The following DCC variants were observed in gnomAD, a reference collection of about 807,000 sequenced individuals.
DCC encodes the protein netrin receptor DCC.
In DCC, 58 loss-of-function variants were observed where a neutral mutation model predicts 172.5. The observed-to-expected ratio is 0.34, with a 90% CI of 0.27 to 0.42. DCC has a LOEUF of 0.42. Ranked by LOEUF, DCC falls within the 10% of genes least tolerant of loss-of-function variation. The pLI is 1.00. For missense variants in DCC, 1,740 were observed against 1,791.0 expected, an observed-to-expected ratio of 0.97 and a Z score of 0.51; for synonymous variants, 709 against 644.5, an observed-to-expected ratio of 1.10 and a Z score of -1.52.
intron 8 of DCC, among the ~76,000 whole-genome samples, chr18:53,160,936 C>A (rs879772359): frequency 6.6e-6 from 1 of 152,174 alleles, no homozygotes; most frequent in African/African-American, 2.4e-5. Flanking sequence ...GAAACTTTCA[C>A]TTGTGCACAA....
At chr18:53,152,844 C>T (rs1598853239) in intron 7 of DCC, among the ~76,000 whole-genome samples, 1 of 145,226 alleles carries the variant, frequency 6.9e-6, no homozygotes, top group East Asian at 2.2e-4. Context: ...AGAAGCCATT[C>T]CTTTGTTAAA....
chr18:53,037,595 A>T (rs1174095394), intron 5 of DCC, among the ~76,000 whole-genome samples: 1 of 151,962 alleles, frequency 6.6e-6, no homozygotes, highest in Non-Finnish European at 1.5e-5. Flanking sequence ...AAGTCCTAAA[A>T]TTTACCAGCT....
intron 9 of DCC, among the ~76,000 whole-genome samples, chr18:53,179,467 A>G (rs1013364904): frequency 3.4e-4 from 52 of 152,330 alleles, no homozygotes; most frequent in African/African-American, 1.2e-3. Context: ...TTGAGTTTGT[A>G]AAGAGTGTAA....
At chr18:52,962,757 A>G (rs1458204877) in intron 5 of DCC, among the ~76,000 whole-genome samples, 2 of 152,032 alleles carry the variant, frequency 1.3e-5, no homozygotes, top group Non-Finnish European at 2.9e-5. Context: ...CATATACACC[A>G]TGGAATACTA....
intron 5 of DCC, among the ~76,000 whole-genome samples, chr18:52,958,041 G>C (rs2040775457): frequency 6.6e-6 from 1 of 152,054 alleles, no homozygotes; most frequent in Non-Finnish European, 1.5e-5. Context: ...TTAGAACAGT[G>C]GTATGGAAAA....
intron 9 of DCC, among the ~76,000 whole-genome samples, chr18:53,194,967 G>A (rs887352204): frequency 3.9e-5 from 6 of 152,116 alleles, no homozygotes; most frequent in African/African-American, 1.4e-4. Context: ...AAAAGCTTCA[G>A]GGTCTTGATT....
chr18:53,235,535 CAGTT>C (rs546959366), intron 12 of DCC, among the ~76,000 whole-genome samples: 89 of 152,194 alleles, frequency 5.8e-4, no homozygotes, highest in African/African-American at 2.0e-3. Flanking sequence ...ATGAAAGTAT[CAGTT>C]AGAGCAGAAA....
chr18:53,399,237 A>G lies in DCC; in HGVS notation c.2827+1791A>G, dbSNP rs572935737. Reference sequence around the variant, plus strand: ...GAGGAACTGTTGGTTTATCCCTTCAAGGTGCTACCATAGTAATTATTTGAC... The same window carrying G: ...GAGGAACTGTTGGTTTATCCCTTCAGGGTGCTACCATAGTAATTATTTGAC... On this transcript the variant is annotated intron_variant, in intron 18 of 28. Coordinates refer to ENST00000442544, the MANE Select transcript of DCC (RefSeq NM_005215.4). 8.5e-5 allele frequency among the ~76,000 whole-genome samples: 13 copies of G among 152,256 alleles called. No homozygotes were observed. In the South Asian group the frequency reaches 2.7e-3, roughly 32 times the overall value.
intron 1 of DCC, among the ~76,000 whole-genome samples, chr18:52,541,879 ATATATATATATATATATGTG>A (rs1424496395): frequency 2.9e-5 from 4 of 136,242 alleles, no homozygotes; most frequent in South Asian, 4.9e-4. Flanking sequence ...GTGTGTGTAT[ATATATATATATATATATGTG>A]TATATATATA....
Position 52,906,194 on chromosome 18 carries a change from G to C in DCC, c.563G>C (p.Arg188Pro). The change falls in exon 3 of 29, where the codon CGA becomes CCA. Residue 188 changes from arginine (R) to proline (P), a missense_variant. Arg to Pro is a moderately radical substitution (Grantham distance 103). This residue lies in a region of DCC where 1,732 missense variants were observed against 1,767.4 expected (regional missense o/e 0.98). Transcript: ENST00000442544. Reference protein sequence around the residue: ...QDLTPIPGDSRVVVLPSGALQ... With the variant: ...QDLTPIPGDSPVVVLPSGALQ... ...CTGACTCCAATCCCAGGTGACTCCC[G>C]AGTGGTGGTCTTGCCCTCTGGAGCA... 1 of 1,614,038 alleles carries C rather than the reference G, an allele frequency of 6.2e-7. No homozygotes were observed. Among genetic ancestry groups the C allele is most frequent in the Non-Finnish European group, 8.5e-7 (1 of 1,180,038 alleles).
At chr18:52,900,764 C>T (rs903151256) in intron 2 of DCC, among the ~76,000 whole-genome samples, 1 of 152,134 alleles carries the variant, frequency 6.6e-6, no homozygotes, top group African/African-American at 2.4e-5. Flanking sequence ...CCAACAACAC[C>T]AGGTGTTCCT....
rs184418950 is a variant in DCC at position 53,313,147 on chromosome 18, A to T, written c.2053+7428A>T. On this transcript the variant is annotated intron_variant, in intron 13 of 28. Transcript: ENST00000442544. ...AAGATCTTCTGATATCAGCTATCAG[A>T]GTTGGGGCCCCCAAAAATTGCTTGG... 7.7e-4 allele frequency among the ~76,000 whole-genome samples: 117 copies of T among 152,220 alleles called. 1 individual carries two copies. The highest frequency in any genetic ancestry group is 2.6e-4 in the Non-Finnish European group (18 of 68,002).
At chr18:52,345,943 C>T (rs1983859102) in intron 1 of DCC, among the ~76,000 whole-genome samples, 1 of 152,120 alleles carries the variant, frequency 6.6e-6, no homozygotes. Flanking sequence ...GTTATGCCAA[C>T]CTAGTTAAGC....
At chr18:53,196,831 A>G (rs1232699719) in intron 9 of DCC, among the ~76,000 whole-genome samples, 1 of 152,132 alleles carries the variant, frequency 6.6e-6, no homozygotes, top group Non-Finnish European at 1.5e-5. Context: ...TGCTTCCTCC[A>G]ACCAAATGTT....
chr18:52,591,321 C>T (rs1463835323), intron 1 of DCC, among the ~76,000 whole-genome samples: 1 of 152,042 alleles, frequency 6.6e-6, no homozygotes, highest in Non-Finnish European at 1.5e-5. Flanking sequence ...ACAAAAATTT[C>T]CTCAATTTAA....
intron 7 of DCC, among the ~76,000 whole-genome samples, chr18:53,111,970 A>C: frequency 6.6e-6 from 1 of 151,554 alleles, no homozygotes; most frequent in East Asian, 2.0e-4. Flanking sequence ...AAGAGAAGAA[A>C]ACACCCATTT....
At chr18:53,337,239 A>C (rs10469024) in intron 14 of DCC, among the ~76,000 whole-genome samples, 94,405 of 152,106 alleles carry the variant, frequency 0.62, 29,882 homozygotes, top group African/African-American at 0.68. Flanking sequence ...TATTGTCATT[A>C]AAATCATTAT....
chr18:52,739,469 A>G (rs1022951159), intron 1 of DCC, among the ~76,000 whole-genome samples: 2 of 152,180 alleles, frequency 1.3e-5, no homozygotes, highest in African/African-American at 4.8e-5. Flanking sequence ...TTGCAACATA[A>G]TAAGGTAGAA....
intron 1 of DCC, among the ~76,000 whole-genome samples, chr18:52,458,127 G>A (rs1444371078): frequency 5.3e-5 from 8 of 151,998 alleles, no homozygotes; most frequent in Non-Finnish European, 1.5e-5. Context: ...TCCAAATTTT[G>A]ACCAAACCTT....
Sources: allele counts gnomAD v4.1 joint callset (sites outside exome capture counted in the v4.1 genomes callset), GRCh38; gene constraint gnomAD v4.1.1; regional missense constraint gnomAD v4.1.1; transcripts MANE v1.5; gene names NCBI Gene and HGNC (gene_info 2026-07-23, HGNC 2026-07-21).